The following GABRB2 variants were observed in gnomAD, a reference collection of about 807,000 sequenced individuals.
The protein encoded by GABRB2 is gamma-aminobutyric acid type A receptor subunit beta2.
In GABRB2, 16 loss-of-function variants were observed where a neutral mutation model predicts 54.7. The observed-to-expected ratio is 0.29, with a 90% confidence interval of 0.20 to 0.44. The LOEUF (loss-of-function observed/expected upper bound fraction) is 0.44. GABRB2 is among the 20% of genes least tolerant of loss of function. The probability of loss-of-function intolerance (pLI) is 1.00; values close to 1 mark genes in which losing one functional copy is unlikely to be tolerated. For missense variants in GABRB2, 355 were observed against 644.0 expected, an observed-to-expected ratio of 0.55 and a Z score of 4.86; for synonymous variants, 244 against 233.8, an observed-to-expected ratio of 1.04 and a Z score of -0.40.
rs568931279 is a variant in GABRB2 at position 161,432,745 on chromosome 5, T to C, written c.459-21688A>G. ...ACCCAGATGAAGATGAGTTATTATT[T>C]CCAGTACCTCAGAGTCCTCCCCATG... On this transcript the variant is annotated intron_variant, in intron 4 of 9. Transcript: ENST00000393959. 5.9e-5 allele frequency among the ~76,000 whole-genome samples: 9 copies of C among 152,238 alleles called. No homozygotes were observed. The East Asian group carries it at 1.2e-3, about 20-fold the overall frequency.
At chr5:161,477,721 C>T (rs757768842) in intron 3 of GABRB2, among the ~76,000 whole-genome samples, 5 of 151,826 alleles carry the variant, frequency 3.3e-5, no homozygotes, top group South Asian at 4.1e-4. Context: ...ATGCCAAACA[C>T]GATATGATTC....
At position 161,294,390 on chromosome 5, in the gene GABRB2, C is replaced by T. The variant is rs758579755; in HGVS notation, c.1230G>A (p.Glu410=). The T allele has an allele frequency of 1.2e-6, 2 of 1,613,946 alleles. No individual in the cohort carries two copies. The highest frequency in any genetic ancestry group is 2.2e-5 in the East Asian group (1 of 44,862). The change falls in exon 10 of 10, where the codon GAG becomes GAA. Residue 410 remains glutamate, a synonymous_variant. Transcript: ENST00000393959. ...CAGATGTGGCCATTTCATTTTTTAT[C>T]TCGAGAGTGCTCAGTAAGATGTTCT... ...PHENILLSTL[E]IKNEMATSEA... is the part of the protein sequence containing the mutation.
intron 3 of GABRB2, among the ~76,000 whole-genome samples, chr5:161,539,562 C>A (rs1182150472): frequency 6.6e-6 from 1 of 152,172 alleles, no homozygotes; most frequent in Non-Finnish European, 1.5e-5. Flanking sequence ...TTAATATATC[C>A]TTTCTCAATT....
chr5:161,428,103 A>AAT (rs1400371991), intron 4 of GABRB2, among the ~76,000 whole-genome samples: 1 of 152,148 alleles, frequency 6.6e-6, no homozygotes, highest in Non-Finnish European at 1.5e-5. Context: ...AATAATTACC[A>AAT]AATGTATGCC....
intron 3 of GABRB2, among the ~76,000 whole-genome samples, chr5:161,544,762 C>T (rs72815525): frequency 0.069 from 10,442 of 152,178 alleles, 513 homozygotes; most frequent in Middle Eastern, 0.096. Context: ...TTGCCATTAA[C>T]AGTAAACAGT....
rs147175168 is a variant in GABRB2, at chr5:161,515,821, C to T, written c.237+29406G>A. 4.6e-3 allele frequency among the ~76,000 whole-genome samples: 697 copies of T among 152,210 alleles called. 2 individuals are homozygous for T. Among genetic ancestry groups the T allele is most frequent in the Non-Finnish European group, 6.3e-3 (429 of 68,016 alleles). On this transcript the variant is annotated intron_variant, in intron 3 of 9. Transcript: ENST00000393959. ...AGAAAACATGCTCAATTTCAGTCTACGGACTAATCAACAGGTATCAAAAAC... is the reference window on the plus strand; with the variant it reads ...AGAAAACATGCTCAATTTCAGTCTATGGACTAATCAACAGGTATCAAAAAC...
chr5:161,333,421 A>ACACAGGGGAGGTC (rs1448391541), intron 7 of GABRB2, among the ~76,000 whole-genome samples: 1 of 152,194 alleles, frequency 6.6e-6, no homozygotes, highest in Non-Finnish European at 1.5e-5. Flanking sequence ...GCAAGTGTAT[A>ACACAGGGGAGGTC]TATCACAGGT....
At chr5:161,390,161 C>T (rs1309063004) in intron 5 of GABRB2, among the ~76,000 whole-genome samples, 3 of 151,970 alleles carry the variant, frequency 2.0e-5, no homozygotes, top group African/African-American at 4.8e-5. Context: ...TTGACCTTTA[C>T]GTGGCCAAAT....
At chr5:161,535,321 A>G (rs1296575355) in intron 3 of GABRB2, among the ~76,000 whole-genome samples, 1 of 152,232 alleles carries the variant, frequency 6.6e-6, no homozygotes, top group African/African-American at 2.4e-5. Flanking sequence ...ACACACTGTG[A>G]ATAAAGTACC....
chr5:161,419,478 A>G (rs1450805293), intron 4 of GABRB2, among the ~76,000 whole-genome samples: 1 of 152,230 alleles, frequency 6.6e-6, no homozygotes, highest in East Asian at 1.9e-4. Flanking sequence ...AAAGGAAAAT[A>G]AACCGCTACG....
intron 5 of GABRB2, among the ~76,000 whole-genome samples, chr5:161,338,411 G>A (rs1007372872): frequency 2.0e-5 from 3 of 152,048 alleles, no homozygotes; most frequent in Non-Finnish European, 2.9e-5. Flanking sequence ...CTGATTATAC[G>A]TCAGCAATAT....
intron 3 of GABRB2, among the ~76,000 whole-genome samples, chr5:161,480,685 C>G (rs1758736014): frequency 6.6e-6 from 1 of 151,988 alleles, no homozygotes; most frequent in Non-Finnish European, 1.5e-5. Flanking sequence ...ACCTAATTCT[C>G]AAGATGATTT....
intron 3 of GABRB2, among the ~76,000 whole-genome samples, chr5:161,521,768 T>C (rs1463978277): frequency 6.6e-6 from 1 of 151,864 alleles, no homozygotes; most frequent in Non-Finnish European, 1.5e-5. Context: ...AAAGACCATA[T>C]CTAAACCAAC....
chr5:161,462,950 A>G (rs10054488), intron 3 of GABRB2, among the ~76,000 whole-genome samples: 26,112 of 151,990 alleles, frequency 0.17, 3,142 homozygotes, highest in African/African-American at 0.34. Context: ...TTCACATTTG[A>G]CAACTCCACC....
chr5:161,460,055 C>T (rs1182109251), intron 3 of GABRB2, among the ~76,000 whole-genome samples: 1 of 152,234 alleles, frequency 6.6e-6, no homozygotes, highest in East Asian at 1.9e-4. Context: ...AGCAATTCTC[C>T]TGCCTCAGCC....
intron 5 of GABRB2, among the ~76,000 whole-genome samples, chr5:161,384,933 A>G (rs1755578295): frequency 6.6e-6 from 1 of 152,146 alleles, no homozygotes; most frequent in East Asian, 1.9e-4. Context: ...AGTTACATAC[A>G]TATGCTGTGA....
In GABRB2 at chr5:161,428,288, CGTGTGTGT is replaced by C. The variant is rs71302909; in HGVS notation, c.459-17239_459-17232del. On this transcript the variant is annotated intron_variant, in intron 4 of 9. Transcript: ENST00000393959. ...ACATATCTATCATCTCAGAGAGTTA[CGTGTGTGT>C]GTGTGTGTGTGTGTGTGTGTGTGTG... Among the ~76,000 whole-genome samples the C allele has an allele frequency of 1.6e-3, 236 of 145,286 alleles. 1 individual carries two copies. The highest frequency in any genetic ancestry group is 4.8e-3 in the African/African-American group (193 of 40,044).
chr5:161,485,307 TA>T (rs1561667377), intron 3 of GABRB2, among the ~76,000 whole-genome samples: 1 of 151,820 alleles, frequency 6.6e-6, no homozygotes, highest in Non-Finnish European at 1.5e-5. Flanking sequence ...CAGTGGTCTA[TA>T]AATTGTATTA....
chr5:161,327,475 C>T (rs1480084962), intron 8 of GABRB2, among the ~76,000 whole-genome samples: 1 of 151,984 alleles, frequency 6.6e-6, no homozygotes, highest in Non-Finnish European at 1.5e-5. Flanking sequence ...TAAAAGCTTG[C>T]TATGTGACCT....
Sources: allele counts gnomAD v4.1 joint callset (sites outside exome capture counted in the v4.1 genomes callset), GRCh38; gene constraint gnomAD v4.1.1; transcripts MANE v1.5; gene names NCBI Gene and HGNC (gene_info 2026-07-23, HGNC 2026-07-21).